PAK5: variants seen among roughly 807,000 people sequenced by gnomAD.
PAK5 encodes p21 (RAC1) activated kinase 5.
PAK5 carries 16 observed loss-of-function variants against 65.9 expected under a neutral mutation model. The observed-to-expected ratio is 0.24, with a 90% CI of 0.16 to 0.37. PAK5 has a LOEUF of 0.37. Ranked by LOEUF, PAK5 falls within the 10% of genes least tolerant of loss-of-function variation. The pLI, the probability that PAK5 is intolerant of heterozygous loss-of-function variation, is 1.00. For missense variants in PAK5, 785 were observed against 903.9 expected (o/e 0.87, Z 1.69); for synonymous variants, 371 against 354.9 (o/e 1.05, Z -0.51).
chr20:9,703,629 T>C (rs999005864), intron 2 of PAK5, among the ~76,000 whole-genome samples: 1 of 152,186 alleles, frequency 6.6e-6, no homozygotes, highest in African/African-American at 2.4e-5. Flanking sequence ...CTCTCTCCCC[T>C]GTATGTAAGA....
At chr20:9,814,377 T>C (rs2049332115) in intron 1 of PAK5, among the ~76,000 whole-genome samples, 1 of 152,184 alleles carries the variant, frequency 6.6e-6, no homozygotes, top group African/African-American at 2.4e-5. Flanking sequence ...ATGAAGGGCT[T>C]AACACTGTGT....
chr20:9,783,338 G>A (rs555751475), intron 1 of PAK5, among the ~76,000 whole-genome samples: 123 of 152,224 alleles, frequency 8.1e-4, no homozygotes, highest in Non-Finnish European at 1.4e-3. Flanking sequence ...GTATTGCTGC[G>A]TATCTATCTA....
chr20:9,657,192 T>C (rs991711220), intron 2 of PAK5, among the ~76,000 whole-genome samples: 2 of 152,224 alleles, frequency 1.3e-5, no homozygotes, highest in African/African-American at 2.4e-5. Flanking sequence ...ATCTGTTTTC[T>C]ATCTCCACAA....
chr20:9,576,875 G>A (rs1310305779), intron 4 of PAK5, among the ~76,000 whole-genome samples: 1 of 152,204 alleles, frequency 6.6e-6, no homozygotes, highest in Non-Finnish European at 1.5e-5. Flanking sequence ...CATGTATCTG[G>A]TACACAGCAA....
intron 1 of PAK5, among the ~76,000 whole-genome samples, chr20:9,765,866 T>C (rs1569078656): frequency 6.6e-6 from 1 of 152,116 alleles, no homozygotes. Flanking sequence ...CCAAGAGACA[T>C]GCACTAGAAT....
intron 3 of PAK5, among the ~76,000 whole-genome samples, chr20:9,614,412 G>A (rs2046618009): frequency 6.6e-6 from 1 of 152,112 alleles, no homozygotes; most frequent in Non-Finnish European, 1.5e-5. Context: ...AGAGAGAAAG[G>A]AACAGATGGA....
At position 9,565,974 on chromosome 20, in the gene PAK5, G is replaced by C. The variant is rs368434501; in HGVS notation, c.1401C>G (p.Thr467=). ...CAACTTGTTTCCCTGTGTGTTTCTCGGTGGCGATGCATACGATGCCGGTTG... is the reference window on the plus strand; with the variant it reads ...CAACTTGTTTCCCTGTGTGTTTCTCCGTGGCGATGCATACGATGCCGGTTG... ...EGSTGIVCIA[T]EKHTGKQVAV... is the part of the protein sequence containing the mutation. Residue 467 remains threonine, a synonymous_variant, in exon 5 of 10, where the codon ACC becomes ACG. Coordinates refer to ENST00000353224, the MANE Select transcript of PAK5 (RefSeq NM_177990.4). 1.2e-6 allele frequency: 2 copies of C among 1,613,666 alleles called. No individual in the cohort carries two copies. The highest frequency in any genetic ancestry group is 1.7e-6 in the Non-Finnish European group (2 of 1,179,816).
At chr20:9,635,489 C>T (rs1420660432) in intron 3 of PAK5, among the ~76,000 whole-genome samples, 17 of 152,198 alleles carry the variant, frequency 1.1e-4, no homozygotes, top group Admixed American at 9.2e-4. Flanking sequence ...ATGCTCTGCT[C>T]TACCCAACAG....
chr20:9,556,755 G>A (rs1441796699), intron 7 of PAK5, among the ~76,000 whole-genome samples: 4 of 152,144 alleles, frequency 2.6e-5, no homozygotes, highest in African/African-American at 9.7e-5. Flanking sequence ...ACGGAAATCT[G>A]GGCCTAGAGG....
intron 1 of PAK5, among the ~76,000 whole-genome samples, chr20:9,745,823 T>A (rs2048500932): frequency 6.6e-6 from 1 of 151,242 alleles, no homozygotes; most frequent in South Asian, 2.1e-4. Flanking sequence ...ATCCTCTAAA[T>A]CTGAAAAGAA....
chr20:9,654,150 T>C (rs576801602), intron 2 of PAK5, among the ~76,000 whole-genome samples: 2 of 152,080 alleles, frequency 1.3e-5, no homozygotes, highest in South Asian at 4.2e-4. Context: ...ATTTTTATAT[T>C]TTTAGTAGAG....
chr20:9,742,457 T>C (rs973742544), intron 1 of PAK5, among the ~76,000 whole-genome samples: 3 of 152,184 alleles, frequency 2.0e-5, no homozygotes, highest in Admixed American at 6.5e-5. Flanking sequence ...AATAAAAGCA[T>C]CTAAATATCC....
At chr20:9,769,402 C>A (rs1285089701) in intron 1 of PAK5, among the ~76,000 whole-genome samples, 1 of 152,238 alleles carries the variant, frequency 6.6e-6, no homozygotes, top group African/African-American at 2.4e-5. Context: ...TGCATAACTA[C>A]ACAGGTGTCT....
At position 9,838,223 on chromosome 20, in the gene PAK5, A is replaced by AC. The variant is rs1979313201; in HGVS notation, c.-162+538_-162+539insG. ...CACGCGCGCACACACACACACACAC[A>AC]AATAACAAAGGAAAACACAGCCTCA... On this transcript the variant is annotated intron_variant, in intron 1 of 9. Coordinates refer to ENST00000353224, the MANE Select transcript of PAK5 (RefSeq NM_177990.4). This position sits in a 1 kb window ranked among gnomAD's most constrained non-coding sequence, Gnocchi z 4.5. 5.9e-5 allele frequency among the ~76,000 whole-genome samples: 9 copies of AC among 151,720 alleles called. No homozygotes were observed. The highest frequency in any genetic ancestry group is 5.9e-4 in the Admixed American group (9 of 15,252).
intron 1 of PAK5, among the ~76,000 whole-genome samples, chr20:9,837,113 C>T (rs1979209290): frequency 1.3e-5 from 2 of 152,280 alleles, no homozygotes; most frequent in South Asian, 4.1e-4. Flanking sequence ...CTGCAGAGAC[C>T]TAGTACAATC....
intron 2 of PAK5, among the ~76,000 whole-genome samples, chr20:9,693,176 T>A (rs1330835851): frequency 6.6e-6 from 1 of 152,076 alleles, no homozygotes; most frequent in Non-Finnish European, 1.5e-5. Flanking sequence ...ATACAATTGA[T>A]CCTTTGTGAA....
intron 2 of PAK5, among the ~76,000 whole-genome samples, chr20:9,706,851 C>A (rs769982624): frequency 6.6e-6 from 1 of 151,888 alleles, no homozygotes; most frequent in African/African-American, 2.4e-5. Context: ...TTTTGGTAAC[C>A]CTATTACCAC....
At position 9,544,407 on chromosome 20, in the gene PAK5, C is replaced by A. The variant is rs760652577; in HGVS notation, c.1831G>T (p.Ala611Ser). The change falls in exon 8 of 10, where the codon GCC (alanine) becomes TCC (serine). Residue 611 changes from alanine (A) to serine (S), a missense_variant. Physicochemically the swap from Ala to Ser is moderately conservative, Grantham distance 99. Coordinates refer to ENST00000353224, the MANE Select transcript of PAK5 (RefSeq NM_177990.4). ...KSLVGTPYWM[A>S]PEVISRLPYG... ...GGTAGCCTAGAAATCACCTCAGGGG[C>A]CATCCAGTAGGGAGTGCCAACCAAT... 1.2e-6 allele frequency: 2 copies of A among 1,613,980 alleles called. No individual in the cohort carries two copies. The highest frequency in any genetic ancestry group is 3.3e-5 in the Admixed American group (2 of 60,022).
At chr20:9,661,188 T>C (rs1335075125) in intron 2 of PAK5, among the ~76,000 whole-genome samples, 2 of 152,126 alleles carry the variant, frequency 1.3e-5, no homozygotes. Context: ...ATGATTTCAG[T>C]TTTGATGTAA....
Sources: gnomAD v4.1 joint callset for allele counts (sites outside exome capture counted in the v4.1 genomes callset) on GRCh38, gnomAD v4.1.1 for gene constraint, Gnocchi (gnomAD v3.1) non-coding constraint, MANE v1.5 for transcripts, NCBI Gene and HGNC (gene_info 2026-07-23, HGNC 2026-07-21) for gene names.